Variants in PCCA observed in about 807,000 individuals in gnomAD.
PCCA encodes propionyl-CoA carboxylase subunit alpha.
In PCCA, 74 loss-of-function variants were observed where a neutral mutation model predicts 101.3. That is an observed-to-expected ratio of 0.73 (90% CI 0.61 to 0.89). The LOEUF (loss-of-function observed/expected upper bound fraction) is 0.89. Ranked by LOEUF, PCCA falls within the 40% of genes least tolerant of loss-of-function variation. PCCA has a pLI of 0.00. For missense variants in PCCA, 891 were observed against 907.0 expected (o/e 0.98, Z 0.23); for synonymous variants, 294 against 313.6 (o/e 0.94, Z 0.66).
chr13:100,513,046 C>T (rs1428936971), intron 21 of PCCA, among the ~76,000 whole-genome samples: 2 of 152,240 alleles, frequency 1.3e-5, no homozygotes, highest in African/African-American at 4.8e-5. Context: ...TTACGGTTCT[C>T]ACCAGGCAGT....
intron 8 of PCCA, among the ~76,000 whole-genome samples, chr13:100,247,191 A>G (rs1488558165): frequency 6.7e-6 from 1 of 150,024 alleles, no homozygotes; most frequent in African/African-American, 2.5e-5. Context: ...TACAGGCATA[A>G]GCCACTGCGC....
chr13:100,348,910 C>CTTTCT (rs201677268), intron 18 of PCCA, among the ~76,000 whole-genome samples: 24,558 of 51,016 alleles, frequency 0.48, 4,445 homozygotes, highest in East Asian at 0.69. Context: ...TCCTTCCTTC[C>CTTTCT]TTTCTTTTCT....
chr13:100,123,226 T>A (rs2049591049), intron 4 of PCCA, among the ~76,000 whole-genome samples: 1 of 152,116 alleles, frequency 6.6e-6, no homozygotes, highest in African/African-American at 2.4e-5. Flanking sequence ...TGGCTAGGAT[T>A]TGTATTTTAG....
At chr13:100,224,055 C>A (rs1261885096) in intron 7 of PCCA, among the ~76,000 whole-genome samples, 1 of 152,266 alleles carries the variant, frequency 6.6e-6, no homozygotes, top group African/African-American at 2.4e-5. Context: ...GCCCGCACTC[C>A]TCAGCCCTTG....
intron 21 of PCCA, among the ~76,000 whole-genome samples, chr13:100,466,827 C>T (rs2082557186): frequency 1.3e-5 from 2 of 152,110 alleles, no homozygotes; most frequent in South Asian, 4.1e-4. Context: ...CACTGCACTC[C>T]AGCCTGGGCG....
At chr13:100,364,143 G>A (rs771638337) in intron 18 of PCCA, among the ~76,000 whole-genome samples, 1 of 152,140 alleles carries the variant, frequency 6.6e-6, no homozygotes, top group Non-Finnish European at 1.5e-5. Context: ...CTTTGCAGGT[G>A]ACTAATAAGT....
chr13:100,306,300 C>A (rs2066445049), intron 14 of PCCA, among the ~76,000 whole-genome samples: 1 of 152,166 alleles, frequency 6.6e-6, no homozygotes, highest in South Asian at 2.1e-4. Context: ...TCCTGCTGTT[C>A]CAGCAGCTTT....
intron 6 of PCCA, among the ~76,000 whole-genome samples, chr13:100,188,325 A>AAAACAAAAC (rs1555371932): frequency 6.7e-6 from 1 of 148,522 alleles, no homozygotes. Flanking sequence ...AAAACAAAAC[A>AAAACAAAAC]AAAACACAAA....
intron 5 of PCCA, among the ~76,000 whole-genome samples, chr13:100,156,076 T>G (rs2152384894): frequency 6.6e-6 from 1 of 152,334 alleles, no homozygotes; most frequent in East Asian, 1.9e-4. Context: ...TTTTTTTGTT[T>G]TGTTTTTTGA....
intron 19 of PCCA, among the ~76,000 whole-genome samples, chr13:100,422,034 CTTCTT>C (rs201021167): frequency 0.015 from 1,994 of 131,076 alleles, 63 homozygotes; most frequent in African/African-American, 0.053. Context: ...TTTTTATTCT[CTTCTT>C]TTCTTTCTTT....
chr13:100,206,179 C>G (rs1385656245), intron 6 of PCCA, among the ~76,000 whole-genome samples: 1 of 152,136 alleles, frequency 6.6e-6, no homozygotes, highest in African/African-American at 2.4e-5. Context: ...TAGCATCCTG[C>G]CACTTGTAAC....
intron 19 of PCCA, among the ~76,000 whole-genome samples, chr13:100,410,242 T>A (rs72658581): frequency 3.9e-5 from 6 of 152,094 alleles, no homozygotes; most frequent in Non-Finnish European, 7.4e-5. Flanking sequence ...TGTTGTTGTT[T>A]TGTTTTGTTT....
At chr13:100,272,231 T>C (rs2063353812) in intron 11 of PCCA, among the ~76,000 whole-genome samples, 1 of 152,204 alleles carries the variant, frequency 6.6e-6, no homozygotes. Flanking sequence ...GCAGTTATGT[T>C]CTCTAAAGTC....
At chr13:100,182,982 C>A (rs1473176247) in intron 6 of PCCA, among the ~76,000 whole-genome samples, 2 of 152,126 alleles carry the variant, frequency 1.3e-5, no homozygotes, top group African/African-American at 2.4e-5. Flanking sequence ...GTCTCTTAAA[C>A]CACATAATTA....
rs1197098485 is a variant in PCCA, at chr13:100,150,622, T to G, written c.301-4357T>G. On this transcript the variant is annotated intron_variant, in intron 4 of 23. Coordinates refer to ENST00000376285, the MANE Select transcript of PCCA (RefSeq NM_000282.4). ...GCAGATGTCAGCCCACACATCTCCC[T>G]GTGCTGTGGACTGATTTGGTGATCC... The G allele has an allele frequency of 2.6e-5, 32 of 1,229,102 alleles. No homozygotes were observed. The East Asian group carries it at 7.4e-4, about 28-fold the overall frequency. The allele number at this position is 1,229,102 out of a possible 1,614,324, so 76.1% of individuals were successfully genotyped here. A position where few individuals can be genotyped will look rare whatever the true frequency, so the allele number is the denominator to read the frequency against.
intron 4 of PCCA, among the ~76,000 whole-genome samples, chr13:100,122,255 T>G (rs1474617641): frequency 6.6e-6 from 1 of 151,030 alleles, no homozygotes; most frequent in Non-Finnish European, 1.5e-5. Context: ...TTCAGTTTGT[T>G]AGTATTTTAT....
At chr13:100,478,736 C>T (rs7983459) in intron 21 of PCCA, among the ~76,000 whole-genome samples, 15,751 of 152,198 alleles carry the variant, frequency 0.1, 1,360 homozygotes, top group African/African-American at 0.23. Flanking sequence ...GGCATGAACA[C>T]TCGTCCTGGA....
chr13:100,359,924 G>A (rs1461812451), intron 18 of PCCA, among the ~76,000 whole-genome samples: 3 of 152,310 alleles, frequency 2.0e-5, no homozygotes, highest in Non-Finnish European at 2.9e-5. Flanking sequence ...GTATCTCAGG[G>A]AGGATGTGGA....
chr13:100,117,322 T>C (rs2152291988), intron 4 of PCCA, among the ~76,000 whole-genome samples: 1 of 152,342 alleles, frequency 6.6e-6, no homozygotes, highest in South Asian at 2.1e-4. Flanking sequence ...CAGTTTACTG[T>C]TATATACCAG....
Sources: allele counts gnomAD v4.1 joint callset (sites outside exome capture counted in the v4.1 genomes callset), GRCh38; gene constraint gnomAD v4.1.1; transcripts MANE v1.5; gene names NCBI Gene and HGNC (gene_info 2026-07-23, HGNC 2026-07-21).